The following PADI4 variants were observed in gnomAD, a reference collection of about 807,000 sequenced individuals.
PADI4 encodes the protein peptidyl arginine deiminase 4.
Under a neutral mutation model 75.0 loss-of-function variants are expected in PADI4, and 62 were observed. That is an observed-to-expected ratio of 0.83 (90% CI 0.67 to 1.02). PADI4 has a LOEUF of 1.02. Ranked by LOEUF, PADI4 falls within the 50% of genes least tolerant of loss-of-function variation. PADI4 has a pLI of 0.00. For missense variants in PADI4, 845 were observed against 850.5 expected (o/e 0.99, Z 0.08); for synonymous variants, 361 against 348.1 (o/e 1.04, Z -0.41).
chr1:17,352,667 G>C (rs2074685781), intron 10 of PADI4, among the ~76,000 whole-genome samples: 1 of 152,166 alleles, frequency 6.6e-6, no homozygotes, highest in African/African-American at 2.4e-5. Flanking sequence ...TGGGTGGCAG[G>C]CACCATCCCC....
At chr1:17,321,492 G>A (rs1337911090) in intron 1 of PADI4, among the ~76,000 whole-genome samples, 1 of 152,198 alleles carries the variant, frequency 6.6e-6, no homozygotes, top group Non-Finnish European at 1.5e-5. Flanking sequence ...GGTGAGAACC[G>A]AATTAATTAA....
chr1:17,360,803 G>A (rs866979281), intron 15 of PADI4, among the ~76,000 whole-genome samples: 1 of 152,196 alleles, frequency 6.6e-6, no homozygotes, highest in African/African-American at 2.4e-5. Flanking sequence ...TCAGACTGGA[G>A]GGTCCGGGAA....
At chr1:17,343,165 C>T (rs1042047863) in intron 8 of PADI4, among the ~76,000 whole-genome samples, 18 of 151,532 alleles carry the variant, frequency 1.2e-4, no homozygotes, top group Non-Finnish European at 2.5e-4. Flanking sequence ...CTAGCCTGGG[C>T]GACAGAGCAA....
At chr1:17,341,718 C>T (rs1209753780) in intron 6 of PADI4, among the ~76,000 whole-genome samples, 1 of 152,204 alleles carries the variant, frequency 6.6e-6, no homozygotes, top group Non-Finnish European at 1.5e-5. Flanking sequence ...TGGAATAGCT[C>T]AGGCACCCCT....
intron 1 of PADI4, among the ~76,000 whole-genome samples, chr1:17,320,694 G>C (rs11203354): frequency 6.6e-6 from 1 of 152,028 alleles, no homozygotes; most frequent in Non-Finnish European, 1.5e-5. Flanking sequence ...AGTCACTCTC[G>C]TCATCGTCTT....
rs142759053 is a variant in PADI4, at chr1:17,346,441, C to T, written c.1047+302C>T. Among the ~76,000 whole-genome samples the T allele has an allele frequency of 2.3e-3, 350 of 152,280 alleles. 3 individuals are homozygous for T. The highest frequency in any genetic ancestry group is 8.1e-3 in the African/African-American group (336 of 41,570). ...CAGGAGATTGGTGCTCAACCAGCCC[C>T]TCAAGTGGTCCTCCCTCCAGGCTGT... On this transcript the variant is annotated intron_variant, in intron 9 of 15. Coordinates refer to ENST00000375448, the MANE Select transcript of PADI4 (RefSeq NM_012387.3). This position sits in a 1 kb window ranked among gnomAD's most constrained non-coding sequence, Gnocchi z 4.3.
chr1:17,331,431 C>G (rs889409071), intron 2 of PADI4, among the ~76,000 whole-genome samples: 1 of 152,184 alleles, frequency 6.6e-6, no homozygotes, highest in Non-Finnish European at 1.5e-5. Flanking sequence ...ACTGGGAATC[C>G]AGAAATGAAT....
rs1372750821 is a variant in PADI4, at chr1:17,342,405, G to A, written c.935+3G>A. On this transcript the variant is annotated splice_donor_region_variant and intron_variant, in intron 8 of 15. Coordinates refer to ENST00000375448, the MANE Select transcript of PADI4 (RefSeq NM_012387.3). ...CCGCAGGAGGTGTACGCGTGCAGGT[G>A]AGAGGTCCTGGGGTGCTGGGGTGGG... The A allele has an allele frequency of 1.3e-6, 2 of 1,593,520 alleles. No individual in the cohort carries two copies. The highest frequency in any genetic ancestry group is 3.3e-5 in the Admixed American group (2 of 59,916).
intron 8 of PADI4, among the ~76,000 whole-genome samples, chr1:17,345,111 C>T (rs1402453155): frequency 6.6e-6 from 1 of 152,244 alleles, no homozygotes; most frequent in Non-Finnish European, 1.5e-5. Context: ...CTTGTGTCAG[C>T]ATGACCTGGA....
chr1:17,316,903 G>GA, intron 1 of PADI4, among the ~76,000 whole-genome samples: 1 of 152,142 alleles, frequency 6.6e-6, no homozygotes, highest in East Asian at 1.9e-4. Context: ...TGTAAAATGG[G>GA]AAGAGGGATG....
At position 17,316,554 on chromosome 1, in the gene PADI4, GTGGCGGGCGC is replaced by G. The variant is rs2073938532; in HGVS notation, c.92+8241_92+8250del. On this transcript the variant is annotated intron_variant, in intron 1 of 15. Transcript: ENST00000375448. The stretch of plus-strand genomic sequence containing the variant: ...AATACAAAAAAATTAGCCAGGCCTG[GTGGCGGGCGC>G]CTGTAGTCCCAGCTACTTGGGAGGC... Among the ~76,000 whole-genome samples the G allele has an allele frequency of 2.0e-5, 3 of 151,534 alleles. No homozygotes were observed. The South Asian group carries it at 6.3e-4, about 32-fold the overall frequency.
chr1:17,356,418 A>G lies in PADI4; in HGVS notation c.1517A>G (p.Asn506Ser). The change falls in exon 13 of 16, where the codon AAT becomes AGT. Residue 506 changes from asparagine to serine, a missense_variant. By Grantham distance (46) the Asn-to-Ser change is conservative. Transcript: ENST00000375448. This position sits in a 1 kb window ranked among gnomAD's most constrained non-coding sequence, Gnocchi z 4.1. Reference protein sequence around the residue: ...SCYKLFQEQQNEGHGEALLFE... With the variant: ...SCYKLFQEQQSEGHGEALLFE... ...TACAAACTGTTCCAGGAGCAGCAGAATGAGGGCCACGGGGAGGCCCTGCTG... is the reference window on the plus strand; with the variant it reads ...TACAAACTGTTCCAGGAGCAGCAGAGTGAGGGCCACGGGGAGGCCCTGCTG... 6.2e-7 allele frequency: 1 copy of G among 1,613,648 alleles called. No homozygotes were observed. The highest frequency in any genetic ancestry group is 8.5e-7 in the Non-Finnish European group (1 of 1,179,640).
At chr1:17,333,513 G>A (rs867878259) in intron 2 of PADI4, among the ~76,000 whole-genome samples, 5 of 151,948 alleles carry the variant, frequency 3.3e-5, no homozygotes, top group Non-Finnish European at 7.4e-5. Context: ...CTGCTCCCCA[G>A]ATCCCCCAGG....
At position 17,363,767 on chromosome 1, in the gene PADI4, C is replaced by T. The variant is rs762047268; in HGVS notation, c.*12C>T. The T allele has an allele frequency of 1.9e-6, 3 of 1,569,396 alleles. No individual in the cohort carries two copies. Among genetic ancestry groups the T allele is most frequent in the Non-Finnish European group, 1.8e-6 (2 of 1,139,772 alleles). ...ACATGGTGCCCTGAGCCCATCTTCC[C>T]TGGCGTCCTCTCCCTCCTGGCCAGA... On this transcript the variant is annotated 3_prime_UTR_variant, in exon 16 of 16. Coordinates refer to ENST00000375448, the MANE Select transcript of PADI4 (RefSeq NM_012387.3).
chr1:17,311,645 C>G (rs1378043437), intron 1 of PADI4, among the ~76,000 whole-genome samples: 1 of 152,094 alleles, frequency 6.6e-6, no homozygotes, highest in Non-Finnish European at 1.5e-5. Context: ...CTGCCTCAGC[C>G]TCCCCAGTAG....
At chr1:17,354,779 C>CTTGCCTCCAGCTTCCT in intron 11 of PADI4, 92 bp downstream of exon 11, 1 of 1,237,572 alleles carries the variant, frequency 8.1e-7, no homozygotes, top group Non-Finnish European at 1.1e-6. Flanking sequence ...TTCCTGCTTC[C>CTTGCCTCCAGCTTCCT]GATTCTAGAC....
At position 17,331,011 on chromosome 1, in the gene PADI4, C is replaced by T; in HGVS notation, c.135C>T (p.Ser45=). ...EDCTSFSINA[S]PGVVVDIAHG... ...GCACGTCCTTCAGCATCAACGCCTC[C>T]CCAGGGGTGGTCGTGGATATTGCCC... The change falls in exon 2 of 16, where the codon TCC becomes TCT. Residue 45 remains serine, a synonymous_variant. Coordinates refer to ENST00000375448, the MANE Select transcript of PADI4 (RefSeq NM_012387.3). 1 of 1,603,806 alleles carries T rather than the reference C, an allele frequency of 6.2e-7. No homozygotes were observed.
At chr1:17,330,138 T>TCC (rs2074183882) in intron 1 of PADI4, among the ~76,000 whole-genome samples, 2 of 152,164 alleles carry the variant, frequency 1.3e-5, no homozygotes, top group Non-Finnish European at 2.9e-5. Context: ...CATGCCTACA[T>TCC]CTGTGTGTGT....
chr1:17,329,688 T>G (rs984688968), intron 1 of PADI4, among the ~76,000 whole-genome samples: 1 of 152,118 alleles, frequency 6.6e-6, no homozygotes, highest in Non-Finnish European at 1.5e-5. Flanking sequence ...ACCTGTGCTG[T>G]TCAAGGGTCA....
Sources: gnomAD v4.1 joint callset for allele counts (sites outside exome capture counted in the v4.1 genomes callset) on GRCh38, gnomAD v4.1.1 for gene constraint, Gnocchi (gnomAD v3.1) non-coding constraint, MANE v1.5 for transcripts, NCBI Gene and HGNC (gene_info 2026-07-23, HGNC 2026-07-21) for gene names.